EFCAB6: variants seen among roughly 807,000 people sequenced by gnomAD.
EFCAB6 encodes EF-hand calcium-binding domain-containing protein 6.
A neutral mutation model predicts 169.8 loss-of-function variants in EFCAB6; 156 were observed. The observed-to-expected ratio is 0.92, with a 90% confidence interval of 0.81 to 1.05. The LOEUF (loss-of-function observed/expected upper bound fraction) is 1.05. Among genes scored for constraint, EFCAB6 ranks in the 50% least tolerant of loss-of-function variants. The pLI, the probability that EFCAB6 is intolerant of heterozygous loss-of-function variation, is 0.00. For synonymous variants in EFCAB6, 698 were observed against 676.4 expected, an observed-to-expected ratio of 1.03 and a Z score of -0.50; for missense variants, 1,800 against 1,829.1, an observed-to-expected ratio of 0.98 and a Z score of 0.29.
Position 43,537,189 on chromosome 22 carries a change from G to T in EFCAB6, c.4048+188C>A. On this transcript the variant is annotated intron_variant, in intron 29 of 31. Transcript: ENST00000262726. This position sits in a 1 kb window ranked among gnomAD's most constrained non-coding sequence, Gnocchi z 4.3. ...ATGGGCCCCCTGCTGGGAGGGCCGGGTAGTCGGAATCCTCCTCCATGGGGA... is the reference window on the plus strand; with the variant it reads ...ATGGGCCCCCTGCTGGGAGGGCCGGTTAGTCGGAATCCTCCTCCATGGGGA... 1 of 623,152 alleles carries T rather than the reference G, an allele frequency of 1.6e-6. No individual in the cohort carries two copies. Among genetic ancestry groups the T allele is most frequent in the Non-Finnish European group, 2.7e-6 (1 of 373,346 alleles). The allele number at this position is 623,152 out of a possible 1,614,324, so 38.6% of individuals were successfully genotyped here.
At chr22:43,625,425 G>A (rs2054433218) in intron 20 of EFCAB6, among the ~76,000 whole-genome samples, 1 of 152,226 alleles carries the variant, frequency 6.6e-6, no homozygotes. Context: ...AGGAGGAGAT[G>A]ACTTGCTACT....
At position 43,674,777 on chromosome 22, in the gene EFCAB6, T is replaced by C. The variant is rs369042882; in HGVS notation, c.1420-2472A>G. 9.2e-5 allele frequency among the ~76,000 whole-genome samples: 14 copies of C among 152,328 alleles called. No individual in the cohort carries two copies. In the East Asian group the frequency reaches 1.9e-3, roughly 21 times the overall value. ...CAAGGTGGTACCATAATCAACCTGG[T>C]TTTACAGGTAAAGAAATGAGTCTTA... is the stretch of plus-strand genomic sequence containing the variant. On this transcript the variant is annotated intron_variant, in intron 13 of 31. Coordinates refer to ENST00000262726, the MANE Select transcript of EFCAB6 (RefSeq NM_022785.4).
intron 17 of EFCAB6, among the ~76,000 whole-genome samples, chr22:43,643,135 G>A (rs2055913133): frequency 6.6e-6 from 1 of 152,192 alleles, no homozygotes; most frequent in Non-Finnish European, 1.5e-5. Flanking sequence ...TTTGATTGAG[G>A]AGCTACCAGG....
intron 22 of EFCAB6, among the ~76,000 whole-genome samples, chr22:43,602,226 A>C (rs1221567364): frequency 6.6e-6 from 1 of 152,218 alleles, no homozygotes; most frequent in Non-Finnish European, 1.5e-5. Context: ...TCAGGTGTCT[A>C]TTATGAGGAT....
chr22:43,772,155 G>C (rs540340892), intron 4 of EFCAB6, among the ~76,000 whole-genome samples: 1 of 152,118 alleles, frequency 6.6e-6, no homozygotes, highest in Non-Finnish European at 1.5e-5. Context: ...CCAACACTCC[G>C]TAAGTGTCTC....
chr22:43,778,798 A>G (rs1248781658), intron 3 of EFCAB6, among the ~76,000 whole-genome samples: 1 of 152,250 alleles, frequency 6.6e-6, no homozygotes, highest in Non-Finnish European at 1.5e-5. Context: ...TCACCTCGCT[A>G]GAAACCTGAG....
chr22:43,740,308 G>C (rs2060322493), intron 6 of EFCAB6, among the ~76,000 whole-genome samples: 1 of 152,154 alleles, frequency 6.6e-6, no homozygotes, highest in Admixed American at 6.5e-5. Flanking sequence ...AGCAAGGTTT[G>C]TTCATGGCCC....
chr22:43,748,811 T>C (rs921860263), intron 6 of EFCAB6, among the ~76,000 whole-genome samples: 1 of 152,160 alleles, frequency 6.6e-6, no homozygotes. Context: ...GACATCTCAC[T>C]AGAGAGCTCT....
chr22:43,638,244 T>G (rs1304935372), intron 17 of EFCAB6, among the ~76,000 whole-genome samples: 1 of 152,214 alleles, frequency 6.6e-6, no homozygotes, highest in Non-Finnish European at 1.5e-5. Context: ...TCATGACCCT[T>G]GGAGGCGACA....
At chr22:43,557,582 G>C (rs1174117726) in intron 26 of EFCAB6, among the ~76,000 whole-genome samples, 1 of 152,134 alleles carries the variant, frequency 6.6e-6, no homozygotes, top group East Asian at 1.9e-4. Context: ...TGATTTTAAA[G>C]GCAAGCTGTA....
At chr22:43,708,107 A>G (rs1233939840) in intron 10 of EFCAB6, among the ~76,000 whole-genome samples, 1 of 149,478 alleles carries the variant, frequency 6.7e-6, no homozygotes, top group Non-Finnish European at 1.5e-5. Context: ...AAAAAAAAAA[A>G]AAGAAAGAAA....
intron 10 of EFCAB6, among the ~76,000 whole-genome samples, chr22:43,707,318 T>C (rs1242675023): frequency 1.3e-5 from 2 of 152,134 alleles, no homozygotes; most frequent in Admixed American, 6.5e-5. Flanking sequence ...ATTTATGTAA[T>C]GTAATAGGAG....
At chr22:43,798,382 C>T (rs2062589077) in intron 2 of EFCAB6, among the ~76,000 whole-genome samples, 1 of 152,102 alleles carries the variant, frequency 6.6e-6, no homozygotes, top group African/African-American at 2.4e-5. Context: ...CATTGCTGAC[C>T]CGTTCCCAGG....
intron 25 of EFCAB6, among the ~76,000 whole-genome samples, chr22:43,578,844 A>G (rs576613909): frequency 4.8e-4 from 72 of 151,196 alleles, no homozygotes; most frequent in African/African-American, 1.7e-3. Flanking sequence ...CATTCCGTAC[A>G]TGCAGGCATC....
intron 17 of EFCAB6, among the ~76,000 whole-genome samples, chr22:43,648,577 G>A (rs1206126088): frequency 6.6e-6 from 1 of 152,164 alleles, no homozygotes; most frequent in African/African-American, 2.4e-5. Flanking sequence ...AGAAAGTGGG[G>A]TGTGGGCTGA....
chr22:43,641,512 A>G (rs1398935287), intron 17 of EFCAB6, among the ~76,000 whole-genome samples: 1 of 151,514 alleles, frequency 6.6e-6, no homozygotes, highest in Non-Finnish European at 1.5e-5. Context: ...GCTACTTGGG[A>G]GGCTGAGGCA....
In EFCAB6 at chr22:43,708,185, T is replaced by C. The variant is rs139980500; in HGVS notation, c.1031+3290A>G. Among the ~76,000 whole-genome samples, 331 of 150,718 alleles carry C rather than the reference T, an allele frequency of 2.2e-3. 2 individuals carry two copies. Among genetic ancestry groups the C allele is most frequent in the African/African-American group, 7.8e-3 (319 of 41,090 alleles). On this transcript the variant is annotated intron_variant, in intron 10 of 31. Transcript: ENST00000262726. Reference sequence around the variant, plus strand: ...GCTTTGGGAGGCTGAGGTGGGCAGATCACCTGAGGTCAGGAGTTTGAGACC... The same window carrying C: ...GCTTTGGGAGGCTGAGGTGGGCAGACCACCTGAGGTCAGGAGTTTGAGACC...
chr22:43,708,337 G>C (rs2059032830), intron 10 of EFCAB6, among the ~76,000 whole-genome samples: 1 of 151,950 alleles, frequency 6.6e-6, no homozygotes, highest in Non-Finnish European at 1.5e-5. Context: ...ACACGGGAGG[G>C]AGAGGCTGCG....
chr22:43,735,251 G>A (rs2147662067), intron 7 of EFCAB6, among the ~76,000 whole-genome samples: 1 of 152,188 alleles, frequency 6.6e-6, no homozygotes, highest in South Asian at 2.1e-4. Flanking sequence ...GGAGCAGGTG[G>A]TGGTGGCGTT....
Sources: allele counts gnomAD v4.1 joint callset (sites outside exome capture counted in the v4.1 genomes callset), GRCh38; gene constraint gnomAD v4.1.1; non-coding constraint Gnocchi (gnomAD v3.1); transcripts MANE v1.5; gene names NCBI Gene and HGNC (gene_info 2026-07-23, HGNC 2026-07-21).